PLEKHG7: variants seen among roughly 807,000 people sequenced by gnomAD.
PLEKHG7 encodes pleckstrin homology and RhoGEF domain containing G7, also known as pleckstrin homology domain-containing family G member 7.
Under a neutral mutation model 85.2 loss-of-function variants are expected in PLEKHG7, and 77 were observed. The ratio of observed to expected loss-of-function variants is 0.90; its 90% CI spans 0.75 to 1.09. The LOEUF (loss-of-function observed/expected upper bound fraction) is 1.09, where lower values mean the gene tolerates loss of function less well. Ranked by LOEUF, PLEKHG7 falls within the 50% of genes least tolerant of loss-of-function variation. The probability of loss-of-function intolerance (pLI) is 0.00; values close to 1 mark genes in which losing one functional copy is unlikely to be tolerated. For missense variants in PLEKHG7, 777 were observed against 804.3 expected, an observed-to-expected ratio of 0.97 and a Z score of 0.41; for synonymous variants, 301 against 302.4, an observed-to-expected ratio of 1.00 and a Z score of 0.05.
rs1873404645 is a variant in PLEKHG7 at position 92,770,935 on chromosome 12, CTTAACT to C, written c.*744_*749del. On this transcript the variant is annotated 3_prime_UTR_variant, in exon 17 of 17. Transcript: ENST00000344636. ...CATAGACATAGTAAGGTATCTGTCT[CTTAACT>C]TTATTTTTTGAAGAATGATGGTGTT... 6.6e-6 allele frequency: 1 copy of C among 151,764 alleles called. No individual in the cohort carries two copies. Among genetic ancestry groups the C allele is most frequent in the Non-Finnish European group, 1.5e-5 (1 of 67,960 alleles). The allele number at this position is 151,764 out of a possible 1,614,324, so 9.4% of individuals were successfully genotyped here. A position where few individuals can be genotyped will look rare whatever the true frequency, so the allele number is the denominator to read the frequency against.
intron 16 of PLEKHG7, among the ~76,000 whole-genome samples, chr12:92,769,776 T>C (rs534838417): frequency 6.6e-6 from 1 of 152,354 alleles, no homozygotes; most frequent in African/African-American, 2.4e-5. Flanking sequence ...CAATGCCACT[T>C]TCAAACTACA....
chr12:92,752,948 C>T (rs1282926315), intron 10 of PLEKHG7, among the ~76,000 whole-genome samples: 1 of 152,110 alleles, frequency 6.6e-6, no homozygotes, highest in African/African-American at 2.4e-5. Flanking sequence ...CTCTCCGGGA[C>T]CCCTTTTATA....
chr12:92,720,634 G>A (rs1188506246), intron 3 of PLEKHG7, among the ~76,000 whole-genome samples: 1 of 152,118 alleles, frequency 6.6e-6, no homozygotes, highest in Non-Finnish European at 1.5e-5. Context: ...ACTCTTAAGT[G>A]TCTTTTATAA....
At chr12:92,747,229 A>G (rs1449232856) in intron 10 of PLEKHG7, among the ~76,000 whole-genome samples, 1 of 149,564 alleles carries the variant, frequency 6.7e-6, no homozygotes, top group Non-Finnish European at 1.5e-5. Context: ...ATTTCCCAAA[A>G]TGAAACATAC....
intron 10 of PLEKHG7, among the ~76,000 whole-genome samples, chr12:92,747,635 T>C (rs902323097): frequency 6.6e-6 from 1 of 152,232 alleles, no homozygotes; most frequent in African/African-American, 2.4e-5. Flanking sequence ...CTATTTACAG[T>C]AGCCAAAATA....
At chr12:92,745,421 G>A in intron 9 of PLEKHG7, 57 bp from the exon 10 acceptor site, 1 of 1,158,574 alleles carries the variant, frequency 8.6e-7, no homozygotes, top group South Asian at 1.3e-5. Context: ...ACTCTTTCAG[G>A]GCTCAATGCT....
chr12:92,735,335 A>G (rs1041342801), intron 5 of PLEKHG7, among the ~76,000 whole-genome samples: 4 of 152,224 alleles, frequency 2.6e-5, no homozygotes, highest in African/African-American at 4.8e-5. Flanking sequence ...TTTCAGTGCC[A>G]TAACCCTACC....
intron 3 of PLEKHG7, chr12:92,721,350 A>C (rs1406290200): frequency 5.0e-6 from 4 of 799,590 alleles, no homozygotes; most frequent in Non-Finnish European, 6.7e-6. Flanking sequence ...GTTGGGGGGG[A>C]ATTCCCGGGA....
intron 3 of PLEKHG7, among the ~76,000 whole-genome samples, chr12:92,725,041 A>G (rs946459955): frequency 6.6e-6 from 1 of 152,018 alleles, no homozygotes; most frequent in African/African-American, 2.4e-5. Flanking sequence ...ACCCCAGGGA[A>G]TATAGACAAT....
chr12:92,761,638 GAAAGAAAGAAAGAAAGAAAGAAAGA>G (rs1382335963), intron 13 of PLEKHG7, 89 bp from the exon 14 acceptor site: 35 of 519,458 alleles, frequency 6.7e-5, no homozygotes, highest in Non-Finnish European at 8.4e-5. Context: ...AAGAAAGAAA[GAAAGAAAGAAAGAAAGAAAGAAAGA>G]AAGAAAGAAA....
chr12:92,731,429 C>T (rs764745764), intron 4 of PLEKHG7, among the ~76,000 whole-genome samples: 1 of 152,202 alleles, frequency 6.6e-6, no homozygotes, highest in Non-Finnish European at 1.5e-5. Context: ...TTATTATGCA[C>T]ACTCTCCTGG....
chr12:92,706,866 G>A lies in PLEKHG7; in HGVS notation c.235G>A (p.Gly79Ser), dbSNP rs1218749287. 1 of 1,613,860 alleles carries A rather than the reference G, an allele frequency of 6.2e-7. No individual in the cohort carries two copies. Residue 79 changes from glycine to serine, a missense_variant, in exon 2 of 17, where the codon GGC becomes AGC. Gly to Ser is a moderately conservative substitution (Grantham distance 56). Transcript: ENST00000344636. ...CTGGGGAAGCTGGGGAGCTCCTGTG[G>A]GCTTCCCATGTTACCTTTCGAAGAG... ...TTWGSWGAPV[G>S]FPCYLSKSLP...
intron 3 of PLEKHG7, among the ~76,000 whole-genome samples, chr12:92,714,463 G>A (rs115258950): frequency 0.014 from 2,106 of 152,248 alleles, 43 homozygotes; most frequent in African/African-American, 0.049. Flanking sequence ...CACCTGGTGG[G>A]GCTGTGCATG....
chr12:92,770,493 G>C lies in PLEKHG7; in HGVS notation c.*298G>C. 3.5e-6 allele frequency: 1 copy of C among 286,472 alleles called. No homozygotes were observed. Among genetic ancestry groups the C allele is most frequent in the Non-Finnish European group, 6.5e-6 (1 of 154,732 alleles). The allele number at this position is 286,472 out of a possible 1,614,324, so 17.7% of individuals were successfully genotyped here. ...AGAAAGGTGCTAATTTGTAAAGGGT[G>C]AATGATCAGATAAATGGAGTATCAG... On this transcript the variant is annotated 3_prime_UTR_variant, in exon 17 of 17. Coordinates refer to ENST00000344636, the MANE Select transcript of PLEKHG7 (RefSeq NM_001377329.1).
chr12:92,704,694 C>G (rs1871181309), intron 1 of PLEKHG7, among the ~76,000 whole-genome samples: 1 of 152,222 alleles, frequency 6.6e-6, no homozygotes, highest in African/African-American at 2.4e-5. Context: ...AGTTGTTCCT[C>G]AAACAACTCA....
chr12:92,770,050 T>G, intron 16 of PLEKHG7, 38 bp from the exon 17 acceptor site: 1 of 1,325,794 alleles, frequency 7.5e-7, no homozygotes, highest in Non-Finnish European at 1.1e-6. Context: ...CTTAACATTC[T>G]AATCTCTATT....
chr12:92,728,024 T>C (rs1318472584), intron 3 of PLEKHG7, among the ~76,000 whole-genome samples: 39 of 117,432 alleles, frequency 3.3e-4, no homozygotes, highest in African/African-American at 4.1e-4. Flanking sequence ...TAAATATATA[T>C]ACACACCACA....
intron 1 of PLEKHG7, among the ~76,000 whole-genome samples, chr12:92,704,552 C>T (rs537608741): frequency 2.6e-4 from 40 of 152,238 alleles, no homozygotes; most frequent in African/African-American, 9.4e-4. Context: ...AAAAGGGTAC[C>T]TCATGGGTTT....
intron 10 of PLEKHG7, 62 bp from the exon 11 acceptor site, chr12:92,754,028 G>A (rs1872757769): frequency 6.5e-7 from 1 of 1,537,872 alleles, no homozygotes; most frequent in Admixed American, 1.8e-5. Context: ...TCATATCCAG[G>A]CTTCTTAGTG....
Sources: allele counts gnomAD v4.1 joint callset (sites outside exome capture counted in the v4.1 genomes callset), GRCh38; gene constraint gnomAD v4.1.1; transcripts MANE v1.5; gene names NCBI Gene and HGNC (gene_info 2026-07-23, HGNC 2026-07-21).